WASF3: variants seen among roughly 807,000 people sequenced by gnomAD.
WASF3 encodes actin-binding protein WASF3.
Under a neutral mutation model 46.6 loss-of-function variants are expected in WASF3, and 11 were observed. The observed-to-expected ratio is 0.24, with a 90% CI of 0.15 to 0.39. The LOEUF (loss-of-function observed/expected upper bound fraction) is 0.39, where lower values mean the gene tolerates loss of function less well. WASF3 is among the 10% of genes least tolerant of loss of function. The probability of loss-of-function intolerance (pLI) is 1.00; values close to 1 mark genes in which losing one functional copy is unlikely to be tolerated. For synonymous variants in WASF3, 242 were observed against 259.7 expected, an observed-to-expected ratio of 0.93 and a Z score of 0.65; for missense variants, 576 against 669.8, an observed-to-expected ratio of 0.86 and a Z score of 1.55.
chr13:26,617,711 C>T (rs567591136), intron 2 of WASF3, among the ~76,000 whole-genome samples: 43 of 152,272 alleles, frequency 2.8e-4, no homozygotes, highest in African/African-American at 9.4e-4. Flanking sequence ...CTTGACAGTG[C>T]ATGGCACATT....
chr13:26,584,037 A>G (rs1880058421), intron 1 of WASF3, among the ~76,000 whole-genome samples: 1 of 152,070 alleles, frequency 6.6e-6, no homozygotes, highest in Non-Finnish European at 1.5e-5. Context: ...TCTAAGTGGT[A>G]CCTCCCCCAC....
chr13:26,685,556 C>A, intron 9 of WASF3, 132 bp from the exon 10 acceptor site: 1 of 1,062,774 alleles, frequency 9.4e-7, no homozygotes, highest in Non-Finnish European at 1.3e-6. Flanking sequence ...GAGCTTTTCT[C>A]CCCTCAAATT....
rs573908103 is a variant in WASF3 at position 26,577,568 on chromosome 13, A to G, written c.-109+19749A>G. 6.0e-6 allele frequency: 7 copies of G among 1,163,086 alleles called. No homozygotes were observed. In the African/African-American group the frequency reaches 9.0e-5, roughly 15 times the overall value. 72.0% of individuals were successfully genotyped at this position (1,163,086 alleles called of 1,614,324 possible). A position where few individuals can be genotyped will look rare whatever the true frequency, so the allele number is the denominator to read the frequency against. ...GCCCAAGTTTGAATTGGGAAAACTCATGGAGCTTCATGGTGAAGGCAGTAG... is the reference window on the plus strand; with the variant it reads ...GCCCAAGTTTGAATTGGGAAAACTCGTGGAGCTTCATGGTGAAGGCAGTAG... On this transcript the variant is annotated intron_variant, in intron 1 of 9. Transcript: ENST00000335327.
chr13:26,664,722 C>T (rs570117319), intron 3 of WASF3, among the ~76,000 whole-genome samples: 3 of 152,232 alleles, frequency 2.0e-5, no homozygotes, highest in African/African-American at 7.2e-5. Context: ...ACACTTAAAG[C>T]GTGAAAAATG....
At chr13:26,673,033 A>T (rs373011707) in intron 6 of WASF3, among the ~76,000 whole-genome samples, 1 of 152,188 alleles carries the variant, frequency 6.6e-6, no homozygotes, top group Non-Finnish European at 1.5e-5. Flanking sequence ...CAGAATATTC[A>T]AGTGAAGAAA....
At chr13:26,618,451 A>ACACTCTCT (rs1022825987) in intron 2 of WASF3, among the ~76,000 whole-genome samples, 10 of 151,878 alleles carry the variant, frequency 6.6e-5, no homozygotes, top group African/African-American at 2.4e-4. Context: ...TCTCTGACAC[A>ACACTCTCT]CACTCTCTCG....
chr13:26,677,211 T>A (rs1322062092), intron 7 of WASF3, among the ~76,000 whole-genome samples: 1 of 152,154 alleles, frequency 6.6e-6, no homozygotes, highest in Middle Eastern at 3.2e-3. Flanking sequence ...TTCAGATAAC[T>A]TATATATTCT....
chr13:26,665,031 A>C lies in WASF3; in HGVS notation c.137A>C (p.Lys46Thr). ...AIIRQLSSLS[K>T]HAEDIFGELF... is the part of the protein sequence containing the mutation. ...CTCCATTCATTTTATTCTACAGGCA[A>C]ACATGCTGAAGACATATTTGGTGAG... The change falls in exon 4 of 10, where the codon AAA becomes ACA. Residue 46 changes from lysine (K) to threonine (T), a missense_variant. Transcript: ENST00000335327. 1 of 1,614,084 alleles carries C rather than the reference A, an allele frequency of 6.2e-7. No homozygotes were observed. The highest frequency in any genetic ancestry group is 8.5e-7 in the Non-Finnish European group (1 of 1,179,964).
intron 1 of WASF3, among the ~76,000 whole-genome samples, chr13:26,559,872 C>T (rs1326488363): frequency 1.6e-5 from 2 of 124,466 alleles, no homozygotes; most frequent in African/African-American, 3.1e-5. Flanking sequence ...GACTGGAGTG[C>T]AGTGGTGTGA....
rs184080010 is a variant in WASF3, at chr13:26,636,615, C to T, written c.-10-5646C>T. Among the ~76,000 whole-genome samples, 5 of 152,366 alleles carry T rather than the reference C, an allele frequency of 3.3e-5. No homozygotes were observed. In the East Asian group the frequency reaches 7.7e-4, roughly 24 times the overall value. On this transcript the variant is annotated intron_variant, in intron 2 of 9. Transcript: ENST00000335327. Reference sequence around the variant, plus strand: ...GTCGATCATGCTGGGAGCTGCACTGCAGACCAGAGCTGTTCCTATTCGGCC... The same window carrying T: ...GTCGATCATGCTGGGAGCTGCACTGTAGACCAGAGCTGTTCCTATTCGGCC...
At chr13:26,571,448 GTCT>G (rs1383259291) in intron 1 of WASF3, among the ~76,000 whole-genome samples, 5 of 152,102 alleles carry the variant, frequency 3.3e-5, no homozygotes, top group Admixed American at 2.0e-4. Flanking sequence ...ATCTGATTTT[GTCT>G]TCTTCTGAAT....
intron 2 of WASF3, chr13:26,619,346 T>C (rs1881234148): frequency 6.6e-6 from 1 of 152,208 alleles, no homozygotes; most frequent in Non-Finnish European, 1.5e-5. Flanking sequence ...AACTGCTGTT[T>C]TCCTTAGTTT....
chr13:26,601,508 G>A (rs1160283269), intron 1 of WASF3, among the ~76,000 whole-genome samples: 2 of 152,184 alleles, frequency 1.3e-5, no homozygotes, highest in African/African-American at 4.8e-5. Flanking sequence ...GAGGATAGGG[G>A]CAGAATCTGG....
At chr13:26,552,276 T>C in the WASF3 span, among the ~76,000 whole-genome samples, 1 of 152,188 alleles carries the variant, frequency 6.6e-6, no homozygotes, top group African/African-American at 2.4e-5. Flanking sequence ...ATACAACAAA[T>C]ACAGCATACT....
At chr13:26,610,859 A>T (rs186108939) in intron 1 of WASF3, among the ~76,000 whole-genome samples, 27 of 152,230 alleles carry the variant, frequency 1.8e-4, no homozygotes, top group Admixed American at 1.6e-3. Context: ...GGAGTTACTG[A>T]TATGCTCTCC....
the WASF3 span, among the ~76,000 whole-genome samples, chr13:26,539,389 G>A: frequency 6.6e-6 from 1 of 152,074 alleles, no homozygotes; most frequent in African/African-American, 2.4e-5. Flanking sequence ...AACAGGGAAG[G>A]CAATTTAACC....
rs529785805 is a variant in WASF3, at chr13:26,599,151, T to C, written c.-108-13810T>C. On this transcript the variant is annotated intron_variant, in intron 1 of 9. Coordinates refer to ENST00000335327, the MANE Select transcript of WASF3 (RefSeq NM_006646.6). ...TGCTGGGATTACAGGCGTCAGCCGCTGCGCCTGGCCTGCCCTGCTCTTCTT... is the reference window on the plus strand; with the variant it reads ...TGCTGGGATTACAGGCGTCAGCCGCCGCGCCTGGCCTGCCCTGCTCTTCTT... Among the ~76,000 whole-genome samples the C allele has an allele frequency of 9.5e-4, 143 of 150,648 alleles. 1 individual carries two copies. The highest frequency in any genetic ancestry group is 3.4e-3 in the African/African-American group (139 of 41,120).
At chr13:26,570,385 T>C (rs1056005170) in intron 1 of WASF3, among the ~76,000 whole-genome samples, 5 of 152,228 alleles carry the variant, frequency 3.3e-5, no homozygotes, top group African/African-American at 1.2e-4. Flanking sequence ...ACAAAAACCG[T>C]AGTTTCAGAG....
At chr13:26,563,092 A>G (rs1453163138) in intron 1 of WASF3, among the ~76,000 whole-genome samples, 1 of 150,486 alleles carries the variant, frequency 6.6e-6, no homozygotes, top group Non-Finnish European at 1.5e-5. Flanking sequence ...CCAGGTCGTG[A>G]TGTCTTTGTG....
Sources: gnomAD v4.1 joint callset for allele counts (sites outside exome capture counted in the v4.1 genomes callset) on GRCh38, gnomAD v4.1.1 for gene constraint, MANE v1.5 for transcripts, NCBI Gene and HGNC (gene_info 2026-07-23, HGNC 2026-07-21) for gene names.